Variants in GLT1D1 observed in about 807,000 individuals in gnomAD.
The protein encoded by GLT1D1 is glycosyltransferase 1 domain-containing protein 1.
In GLT1D1, 21 loss-of-function variants were observed where a neutral mutation model predicts 28.7. That is an observed-to-expected ratio of 0.73 (90% CI 0.52 to 1.05). The LOEUF is 1.05. Among genes scored for constraint, GLT1D1 ranks in the 50% least tolerant of loss-of-function variants. The pLI is 0.00. For synonymous variants in GLT1D1, 147 were observed against 124.8 expected (o/e 1.18, Z -1.19); for missense variants, 343 against 330.6 (o/e 1.04, Z -0.29).
chr12:128,922,922 C>CAA (rs149775593), intron 4 of GLT1D1, among the ~76,000 whole-genome samples: 45 of 97,560 alleles, frequency 4.6e-4, no homozygotes, highest in African/African-American at 1.3e-3. Flanking sequence ...GACTCCATCT[C>CAA]AAAAAAAAAA....
chr12:128,931,689 A>G (rs1421335677), intron 4 of GLT1D1, among the ~76,000 whole-genome samples: 1 of 152,098 alleles, frequency 6.6e-6, no homozygotes. Flanking sequence ...AGTGAGTGTA[A>G]AAAGTGTTTG....
At chr12:128,875,060 G>C (rs1047151523) in intron 1 of GLT1D1, among the ~76,000 whole-genome samples, 2 of 150,956 alleles carry the variant, frequency 1.3e-5, no homozygotes, top group Non-Finnish European at 3.0e-5. Flanking sequence ...AATATTGTGT[G>C]TGTGTGTGTG....
chr12:128,883,558 C>G (rs1055364436), intron 2 of GLT1D1, among the ~76,000 whole-genome samples: 5 of 144,294 alleles, frequency 3.5e-5, no homozygotes, highest in East Asian at 2.0e-4. Flanking sequence ...CCACTGCACT[C>G]TAGCCTGGGC....
At chr12:128,945,087 G>A (rs1231374044) in intron 4 of GLT1D1, 1 of 682,670 alleles carries the variant, frequency 1.5e-6, no homozygotes, top group South Asian at 1.7e-5. Flanking sequence ...CCCGGAGCAG[G>A]TCCCCGCTGG....
At chr12:128,944,728 C>A in intron 4 of GLT1D1, 1 of 596,590 alleles carries the variant, frequency 1.7e-6, no homozygotes, top group Non-Finnish European at 3.1e-6. Context: ...TGAAGGGCCA[C>A]GCCAAGATGA....
intron 7 of GLT1D1, among the ~76,000 whole-genome samples, chr12:128,981,496 A>G (rs1175959689): frequency 1.3e-5 from 2 of 152,258 alleles, no homozygotes; most frequent in Admixed American, 6.5e-5. Flanking sequence ...TTTTTATTAT[A>G]AAACGACCAC....
chr12:128,878,142 G>C (rs749425362), intron 2 of GLT1D1, among the ~76,000 whole-genome samples: 7 of 152,164 alleles, frequency 4.6e-5, no homozygotes, highest in Non-Finnish European at 8.8e-5. Flanking sequence ...CAGTGTGAGA[G>C]GGCACTACAC....
At chr12:128,937,620 C>T (rs867276345) in intron 4 of GLT1D1, among the ~76,000 whole-genome samples, 30 of 152,258 alleles carry the variant, frequency 2.0e-4, no homozygotes, top group African/African-American at 6.7e-4. Context: ...TATGGTTTGG[C>T]TGTGTCCCCA....
chr12:128,947,330 T>C lies in GLT1D1; in HGVS notation c.420-8T>C. On this transcript the variant is annotated splice_region_variant and splice_polypyrimidine_tract_variant and intron_variant, in intron 5 of 7. Transcript: ENST00000281703. The stretch of plus-strand genomic sequence containing the variant: ...AATCAGAGCCACTCTTCCTGCTTTG[T>C]GTTTCAGAGCCGCTGGGGTACGATT... The C allele has an allele frequency of 6.2e-7, 1 of 1,613,812 alleles. No individual in the cohort carries two copies. Among genetic ancestry groups the C allele is most frequent in the Non-Finnish European group, 8.5e-7 (1 of 1,179,908 alleles).
At chr12:128,882,229 T>C (rs1957075862) in intron 2 of GLT1D1, among the ~76,000 whole-genome samples, 1 of 151,894 alleles carries the variant, frequency 6.6e-6, no homozygotes. Context: ...AATAGCACAT[T>C]AACAACATTA....
At chr12:128,944,888 G>T in intron 4 of GLT1D1, 2 of 416,996 alleles carry the variant, frequency 4.8e-6, no homozygotes, top group Non-Finnish European at 8.6e-6. Context: ...ATGGTGGTTT[G>T]CTGCACCCAT....
intron 1 of GLT1D1, among the ~76,000 whole-genome samples, chr12:128,860,711 C>A (rs567399827): frequency 6.6e-6 from 1 of 152,120 alleles, no homozygotes; most frequent in Non-Finnish European, 1.5e-5. Flanking sequence ...GAGAGTTCTG[C>A]AGCCCAGCAG....
chr12:128,886,857 C>T (rs1186153406), intron 2 of GLT1D1, among the ~76,000 whole-genome samples: 1 of 152,132 alleles, frequency 6.6e-6, no homozygotes, highest in Non-Finnish European at 1.5e-5. Flanking sequence ...TCTGTCTCAA[C>T]ATCTCCCAAA....
At chr12:128,961,870 T>TA (rs1348535236) in intron 7 of GLT1D1, among the ~76,000 whole-genome samples, 1 of 152,120 alleles carries the variant, frequency 6.6e-6, no homozygotes, top group Admixed American at 6.5e-5. Context: ...TCGTAAAGAC[T>TA]AAACCAACAA....
intron 4 of GLT1D1, among the ~76,000 whole-genome samples, chr12:128,936,178 G>A (rs574676080): frequency 2.1e-5 from 3 of 139,952 alleles, no homozygotes; most frequent in Non-Finnish European, 4.6e-5. Context: ...TTTTTGAGAC[G>A]GAGTCTCACT....
intron 4 of GLT1D1, among the ~76,000 whole-genome samples, chr12:128,939,474 C>G (rs1874904686): frequency 6.6e-6 from 1 of 151,662 alleles, no homozygotes; most frequent in South Asian, 2.1e-4. Context: ...GTAATCCCAG[C>G]ACTTTGGGAG....
intron 7 of GLT1D1, among the ~76,000 whole-genome samples, chr12:128,959,288 A>T (rs1877649534): frequency 6.6e-6 from 1 of 151,512 alleles, no homozygotes; most frequent in Non-Finnish European, 1.5e-5. Context: ...GCAGATGTTT[A>T]ATTCAAGTTC....
rs372812950 is a variant in GLT1D1, at chr12:128,927,990, ACT to A, written c.376-17333_376-17332del. ...ACTCCAGCCTGGCCGACAGAGCAAG[ACT>A]CTGTCTCAAAAAAAAAAAAAAAAAA... On this transcript the variant is annotated intron_variant, in intron 4 of 7. Transcript: ENST00000281703. 5.9e-3 allele frequency among the ~76,000 whole-genome samples: 645 copies of A among 110,128 alleles called. 7 individuals carry two copies. The highest frequency in any genetic ancestry group is 0.021 in the African/African-American group (595 of 28,084). The allele number at this position is 110,128 out of a possible 152,430, so 72.2% of individuals were successfully genotyped here. A position where few individuals can be genotyped will look rare whatever the true frequency, so the allele number is the denominator to read the frequency against.
Position 128,982,986 on chromosome 12 carries a change from G to C in GLT1D1, c.697G>C (p.Val233Leu). ...TGATCCTGCATTAGAAAAGGAAATC[G>C]TAGTGAACGGAAGGGAATACGTGAG... Residue 233 changes from valine (V) to leucine (L), a missense_variant, in exon 8 of 8, where the codon GTA becomes CTA. Val to Leu is a conservative substitution (Grantham distance 32, BLOSUM62 1). Transcript: ENST00000281703. The C allele has an allele frequency of 6.2e-7, 1 of 1,613,972 alleles. No individual in the cohort carries two copies. The highest frequency in any genetic ancestry group is 8.5e-7 in the Non-Finnish European group (1 of 1,179,820).
Sources: allele counts gnomAD v4.1 joint callset (sites outside exome capture counted in the v4.1 genomes callset), GRCh38; gene constraint gnomAD v4.1.1; transcripts MANE v1.5; gene names NCBI Gene and HGNC (gene_info 2026-07-23, HGNC 2026-07-21).